Variants in MEIS2 observed in about 807,000 individuals in gnomAD.
MEIS2 encodes homeobox protein Meis2.
MEIS2 carries 9 observed loss-of-function variants against 58.6 expected under a neutral mutation model. That is an observed-to-expected ratio of 0.15 (90% CI 0.09 to 0.27). The LOEUF (loss-of-function observed/expected upper bound fraction) is 0.27. MEIS2 is among the 10% of genes least tolerant of loss of function. The pLI is 1.00. For missense variants in MEIS2, 427 were observed against 635.0 expected, an observed-to-expected ratio of 0.67 and a Z score of 3.52; for synonymous variants, 221 against 228.4, an observed-to-expected ratio of 0.97 and a Z score of 0.29.
chr15:36,994,159 C>G (rs2141566570), intron 8 of MEIS2, among the ~76,000 whole-genome samples: 1 of 152,214 alleles, frequency 6.6e-6, no homozygotes, highest in East Asian at 1.9e-4. Context: ...GTCAACGATT[C>G]TGGCAGGAAA....
At chr15:37,046,876 A>AAT (rs1163372071) in intron 7 of MEIS2, among the ~76,000 whole-genome samples, 218 of 150,162 alleles carry the variant, frequency 1.5e-3, no homozygotes, top group African/African-American at 4.8e-3. Flanking sequence ...TGTCATTTGA[A>AAT]ATATATATAT....
chr15:37,081,753 T>C (rs546802544), intron 7 of MEIS2, among the ~76,000 whole-genome samples: 1 of 152,100 alleles, frequency 6.6e-6, no homozygotes, highest in African/African-American at 2.4e-5. Flanking sequence ...AGCTACCATG[T>C]CCATTCTTTA....
In MEIS2 at chr15:37,098,377, GGGGA is replaced by G. The variant is rs1298393072; in HGVS notation, c.13-182_13-179del. On this transcript the variant is annotated intron_variant, in intron 1 of 11. Transcript: ENST00000561208. Reference sequence around the variant, plus strand: ...AGGAGGAGGAGGAAAAGGAGGAGAGGGGGAGAGAGAGAGAGAGAGAGAGAGAGAG... The same window carrying G: ...AGGAGGAGGAGGAAAAGGAGGAGAGGGAGAGAGAGAGAGAGAGAGAGAGAG... 15 of 490,550 alleles carry G rather than the reference GGGGA, an allele frequency of 3.1e-5. No individual in the cohort carries two copies. The African/African-American group carries it at 4.6e-4, about 15-fold the overall frequency. 30.4% of individuals were successfully genotyped at this position (490,550 alleles called of 1,614,324 possible).
chr15:36,977,210 A>T (rs996924298), intron 8 of MEIS2, among the ~76,000 whole-genome samples: 1 of 152,232 alleles, frequency 6.6e-6, no homozygotes, highest in Non-Finnish European at 1.5e-5. Flanking sequence ...ATAAAATTTT[A>T]GAACCAAAAT....
chr15:37,086,380 A>G (rs956847309), intron 6 of MEIS2, among the ~76,000 whole-genome samples: 6 of 152,198 alleles, frequency 3.9e-5, no homozygotes, highest in Admixed American at 1.3e-4. Flanking sequence ...TTCGTTTATA[A>G]TTCAGTGTAT....
chr15:36,892,398 T>C lies in MEIS2; in HGVS notation c.1209A>G (p.Ala403=). The change falls in exon 12 of 12, where the codon GCA becomes GCG. Residue 403 remains alanine, a synonymous_variant. Coordinates refer to ENST00000561208, the MANE Select transcript of MEIS2 (RefSeq NM_170675.5). ...SQGGPMGMSM[A]QPSYTPPQMT... ...TCTGGGGAGGAGTGTAACTTGGCTG[T>C]GCCATACTCATTCCCATAGGACCAC... The C allele has an allele frequency of 1.2e-6, 2 of 1,613,988 alleles. No homozygotes were observed. Among genetic ancestry groups the C allele is most frequent in the Non-Finnish European group, 1.7e-6 (2 of 1,179,946 alleles).
chr15:37,095,136 T>C (rs918042729), intron 4 of MEIS2: 2 of 191,062 alleles, frequency 1.0e-5, no homozygotes, highest in Non-Finnish European at 2.2e-5. Flanking sequence ...CACCTAAAAG[T>C]GGCCTGCGCT....
chr15:37,001,218 T>C (rs757488842), intron 8 of MEIS2, among the ~76,000 whole-genome samples: 2 of 152,220 alleles, frequency 1.3e-5, no homozygotes, highest in Non-Finnish European at 2.9e-5. Flanking sequence ...TAGTATCTTC[T>C]TGGGCCTCTC....
chr15:37,018,416 G>C (rs112048090), intron 8 of MEIS2, among the ~76,000 whole-genome samples: 1 of 152,092 alleles, frequency 6.6e-6, no homozygotes, highest in Non-Finnish European at 1.5e-5. Flanking sequence ...TCTCATCAAT[G>C]TTTTAGATTT....
chr15:37,037,100 G>A, intron 7 of MEIS2, 141 bp from the exon 8 acceptor site: 2 of 812,150 alleles, frequency 2.5e-6, no homozygotes, highest in Non-Finnish European at 1.8e-6. Context: ...TATAATTGGA[G>A]ACACAAATAT....
chr15:36,950,239 G>GAAAA, intron 9 of MEIS2, 85 bp downstream of exon 9: 2 of 1,010,880 alleles, frequency 2.0e-6, no homozygotes, highest in East Asian at 2.8e-5. Context: ...ATTTGTTTTA[G>GAAAA]AAAAAAAAAA....
chr15:37,040,406 G>T (rs2062374404), intron 7 of MEIS2, among the ~76,000 whole-genome samples: 1 of 152,094 alleles, frequency 6.6e-6, no homozygotes. Flanking sequence ...CAACCCCCAC[G>T]GTGGGGCAAC....
intron 11 of MEIS2, among the ~76,000 whole-genome samples, 185 bp from the exon 12 acceptor site, chr15:36,892,644 C>G (rs1239295049): frequency 6.6e-6 from 1 of 151,836 alleles, no homozygotes; most frequent in Non-Finnish European, 1.5e-5. Flanking sequence ...TTAATTTCAT[C>G]GCACAGCAGT....
At chr15:36,993,508 A>C (rs1445066526) in intron 8 of MEIS2, among the ~76,000 whole-genome samples, 1 of 152,114 alleles carries the variant, frequency 6.6e-6, no homozygotes, top group Non-Finnish European at 1.5e-5. Flanking sequence ...AAAGTTTGCA[A>C]TCTGATGGTT....
In MEIS2 at chr15:36,895,260, A is replaced by G; in HGVS notation, c.1038T>C (p.Gly346=). 6.2e-7 allele frequency: 1 copy of G among 1,613,730 alleles called. No homozygotes were observed. The highest frequency in any genetic ancestry group is 8.5e-7 in the Non-Finnish European group (1 of 1,179,796). Residue 346 remains glycine, a splice_region_variant and synonymous_variant, in exon 11 of 12, where the codon GGT becomes GGC. Coordinates refer to ENST00000561208, the MANE Select transcript of MEIS2 (RefSeq NM_170675.5). ...GGCTCACTGAAGGATCAAGAAGAAAACCTGATTGTGGTCATTCGAGGACAC... is the reference window on the plus strand; with the variant it reads ...GGCTCACTGAAGGATCAAGAAGAAAGCCTGATTGTGGTCATTCGAGGACAC... The part of the protein sequence containing the change: ...QPMIDQSNRA[G]FLLDPSVSQG...
chr15:37,016,466 G>A (rs1027983840), intron 8 of MEIS2, among the ~76,000 whole-genome samples: 3 of 151,926 alleles, frequency 2.0e-5, no homozygotes, highest in Non-Finnish European at 4.4e-5. Context: ...CAACATGGCA[G>A]ACGGTGATTA....
chr15:36,911,044 CA>C (rs1187244002), intron 9 of MEIS2, among the ~76,000 whole-genome samples: 339 of 83,296 alleles, frequency 4.1e-3, no homozygotes, highest in South Asian at 0.016. Context: ...GACTCTGTCT[CA>C]AAAAAAAAAA....
intron 8 of MEIS2, among the ~76,000 whole-genome samples, chr15:36,970,096 A>C (rs2141460250): frequency 6.6e-6 from 1 of 152,302 alleles, no homozygotes; most frequent in African/African-American, 2.4e-5. Context: ...AATATAATAT[A>C]GTTTTGTTTA....
At chr15:37,082,705 C>A (rs1217115839) in intron 7 of MEIS2, among the ~76,000 whole-genome samples, 2 of 152,144 alleles carry the variant, frequency 1.3e-5, no homozygotes, top group Non-Finnish European at 2.9e-5. Flanking sequence ...AACCTAGATT[C>A]TAATTTGGAC....
Sources: allele counts gnomAD v4.1 joint callset (sites outside exome capture counted in the v4.1 genomes callset), GRCh38; gene constraint gnomAD v4.1.1; transcripts MANE v1.5; gene names NCBI Gene and HGNC (gene_info 2026-07-23, HGNC 2026-07-21).